The following TLR1 variants were observed in gnomAD, a reference collection of about 807,000 sequenced individuals.
TLR1 encodes toll-like receptor 1.
A neutral mutation model predicts 20.2 loss-of-function variants in TLR1; 19 were observed. That is an observed-to-expected ratio of 0.94 (90% confidence interval 0.66 to 1.38). The LOEUF is 1.38. Among genes scored for constraint, TLR1 ranks in the 40% most tolerant of loss-of-function variants. The pLI is 0.00. For missense variants in TLR1, 921 were observed against 910.0 expected (o/e 1.01, Z -0.16); for synonymous variants, 320 against 334.5 (o/e 0.96, Z 0.47).
At chr4:38,792,420 T>C (rs73236618), downstream of TLR1, among the ~76,000 whole-genome samples, 21,303 of 152,148 alleles carry the variant, frequency 0.14, 1,995 homozygotes, top group Middle Eastern at 0.31. Flanking sequence ...TTTAACCTAG[T>C]TGAAATCATA....
chr4:38,797,741 AC>A lies in TLR1; in HGVS notation c.1090del (p.Val364PhefsTer18). 6.2e-7 allele frequency: 1 copy of A among 1,614,034 alleles called. No individual in the cohort carries two copies. The highest frequency in any genetic ancestry group is 8.5e-7 in the Non-Finnish European group (1 of 1,179,972). On this transcript the variant is annotated frameshift_variant, in exon 4 of 4. Transcript: ENST00000308979. LOFTEE classifies it high-confidence loss of function. Reference protein sequence around the residue: ...DFSNNLLTDTVFENCGHLTEL... With the variant: ...DFSNNLLTDTXFENCGHLTEL... ...AGTAAGGTGCCCACAATTTTCAAAA[AC>A]CGTGTCTGTTAAGAGATTATTGGAA... is the stretch of plus-strand genomic sequence containing the variant.
Position 38,798,262 on chromosome 4 carries a change from C to T in TLR1, c.570G>A (p.Glu190=). 2 of 1,612,656 alleles carry T rather than the reference C, an allele frequency of 1.2e-6. No individual in the cohort carries two copies. Among genetic ancestry groups the T allele is most frequent in the East Asian group, 2.2e-5 (1 of 44,850 alleles). Residue 190 remains glutamate (E), a synonymous_variant, in exon 4 of 4, where the codon GAG becomes GAA. Coordinates refer to ENST00000308979, the MANE Select transcript of TLR1 (RefSeq NM_003263.4). The part of the protein sequence containing the change: ...DPEGLQDFNT[E]SLHIVFPTNK... ...TTGTGGGGAACACAATGTGCAGACT[C>T]TCAGTGTTAAAGTCTTGAAGGCCCT...
In TLR1 at chr4:38,797,543, A is replaced by C; in HGVS notation, c.1289T>G (p.Met430Arg). ...SWTKSLLSLN[M>R]SSNILTDTIF... The stretch of plus-strand genomic sequence containing the variant: ...AGTGTCAGTAAGTATATTTGAAGAC[A>C]TATTTAAACTTAATAAACTTTTAGT... Residue 430 changes from methionine to arginine, a missense_variant, in exon 4 of 4, where the codon ATG (methionine) becomes AGG (arginine). Physicochemically the swap from Met to Arg is moderately conservative, Grantham distance 91. Coordinates refer to ENST00000308979, the MANE Select transcript of TLR1 (RefSeq NM_003263.4). 6.2e-7 allele frequency: 1 copy of C among 1,613,776 alleles called. No homozygotes were observed. Among genetic ancestry groups the C allele is most frequent in the Non-Finnish European group, 8.5e-7 (1 of 1,179,948 alleles).
downstream of TLR1, among the ~76,000 whole-genome samples, chr4:38,787,933 AC>A (rs1265913928): frequency 6.6e-6 from 1 of 152,054 alleles, no homozygotes; most frequent in African/African-American, 2.4e-5. Context: ...CCCATGTGCT[AC>A]CCCTGACTCC....
Position 38,797,905 on chromosome 4 carries a change from G to C in TLR1, c.927C>G (p.Ser309Arg), listed in dbSNP as rs747282142. ...LKALSIHQVV[S>R]DVFGFPQSYI... ...AACTTTGCGGAAAACCGAACACATCGCTGACAACTTGGTGTATAGACAAGG... is the reference window on the plus strand; with the variant it reads ...AACTTTGCGGAAAACCGAACACATCCCTGACAACTTGGTGTATAGACAAGG... The change falls in exon 4 of 4, where the codon AGC (serine) becomes AGG (arginine). Residue 309 changes from serine (S) to arginine (R), a missense_variant. By Grantham distance (110) the Ser-to-Arg change is moderately radical. Coordinates refer to ENST00000308979, the MANE Select transcript of TLR1 (RefSeq NM_003263.4). 1 of 1,613,988 alleles carries C rather than the reference G, an allele frequency of 6.2e-7. No homozygotes were observed. Among genetic ancestry groups the C allele is most frequent in the Admixed American group, 1.7e-5 (1 of 60,006 alleles).
chr4:38,797,528 A>G lies in TLR1; in HGVS notation c.1304T>C (p.Leu435Pro). The change falls in exon 4 of 4, where the codon CTT becomes CCT. Residue 435 changes from leucine to proline, a missense_variant. Physicochemically the swap from Leu to Pro is moderately conservative, Grantham distance 98. Coordinates refer to ENST00000308979, the MANE Select transcript of TLR1 (RefSeq NM_003263.4). The stretch of plus-strand genomic sequence containing the variant: ...TAAACATCTGAAAATAGTGTCAGTA[A>G]GTATATTTGAAGACATATTTAAACT... ...LLSLNMSSNI[L>P]TDTIFRCLPP... is the part of the protein sequence containing the mutation. The G allele has an allele frequency of 6.2e-7, 1 of 1,614,110 alleles. No homozygotes were observed. The highest frequency in any genetic ancestry group is 8.5e-7 in the Non-Finnish European group (1 of 1,180,022).
intron 2 of TLR1, among the ~76,000 whole-genome samples, chr4:38,801,747 T>C (rs1318225800): frequency 6.6e-6 from 1 of 152,200 alleles, no homozygotes; most frequent in African/African-American, 2.4e-5. Flanking sequence ...CTTTTTCCCT[T>C]AACAACAGCT....
In TLR1 at chr4:38,798,577, A is replaced by G. The variant is rs1331369182; in HGVS notation, c.255T>C (p.Asp85=). The change falls in exon 4 of 4, where the codon GAT becomes GAC. Residue 85 remains aspartate (D), a synonymous_variant. Transcript: ENST00000308979. ...CCTGGTTGAATTTGAAAACACTGAT[A>G]TCAAGATACTGGATTCTATTATGAG... ...IISHNRIQYL[D]ISVFKFNQEL... 1 of 1,614,060 alleles carries G rather than the reference A, an allele frequency of 6.2e-7. No individual in the cohort carries two copies. The highest frequency in any genetic ancestry group is 1.3e-5 in the African/African-American group (1 of 74,926).
chr4:38,789,769 G>T (rs554932621), downstream of TLR1, among the ~76,000 whole-genome samples: 212 of 152,092 alleles, frequency 1.4e-3, no homozygotes, highest in African/African-American at 4.2e-3. Flanking sequence ...GGCCTCAATG[G>T]TTTACTTTTT....
At chr4:38,799,002 A>C (rs190651327) in intron 3 of TLR1, 104 bp from the exon 4 acceptor site, 6 of 559,186 alleles carry the variant, frequency 1.1e-5, no homozygotes, top group Non-Finnish European at 1.9e-5. Context: ...CAGACTTATA[A>C]AGTGGAGGCT....
In TLR1 at chr4:38,796,364, C is replaced by G; in HGVS notation, c.*107G>C. 1.6e-6 allele frequency: 2 copies of G among 1,251,552 alleles called. No individual in the cohort carries two copies. Among genetic ancestry groups the G allele is most frequent in the Non-Finnish European group, 2.2e-6 (2 of 904,046 alleles). 77.5% of individuals were successfully genotyped at this position (1,251,552 alleles called of 1,614,324 possible). On this transcript the variant is annotated 3_prime_UTR_variant, in exon 4 of 4. Coordinates refer to ENST00000308979, the MANE Select transcript of TLR1 (RefSeq NM_003263.4). ...GGTATATATTTTTACCTACATCATA[C>G]ACTCACAATTGTGTTTACATCTATG...
At chr4:38,804,895 A>C (rs990971811), upstream of TLR1, 2 of 152,176 alleles carry the variant, frequency 1.3e-5, no homozygotes, top group African/African-American at 4.8e-5. Flanking sequence ...ACCGAATTCC[A>C]CTGGAATTAC....
chr4:38,789,714 C>T (rs181531880), downstream of TLR1, among the ~76,000 whole-genome samples: 72 of 152,202 alleles, frequency 4.7e-4, no homozygotes, highest in Admixed American at 1.7e-3. Flanking sequence ...CCACCTGCCT[C>T]GGCCTCCCAA....
At position 38,797,843 on chromosome 4, in the gene TLR1, T is replaced by C; in HGVS notation, c.989A>G (p.Asn330Ser). The change falls in exon 4 of 4, where the codon AAT becomes AGT. Residue 330 changes from asparagine to serine, a missense_variant. Physicochemically the swap from Asn to Ser is conservative, Grantham distance 46 (BLOSUM62 1). Coordinates refer to ENST00000308979, the MANE Select transcript of TLR1 (RefSeq NM_003263.4). ...CATGCGTGTACCAGACACTGTGAAA[T>C]TTTTGATGTTCATATTCGAAAAGAT... ...YEIFSNMNIK[N>S]FTVSGTRMVH... The C allele has an allele frequency of 2.5e-6, 4 of 1,613,946 alleles. No homozygotes were observed. The South Asian group carries it at 4.4e-5, about 18-fold the overall frequency.
In TLR1 at chr4:38,796,843, A is replaced by G; in HGVS notation, c.1989T>C (p.Gly663=). The change falls in exon 4 of 4, where the codon GGT becomes GGC. Residue 663 remains glycine, a synonymous_variant. Coordinates refer to ENST00000308979, the MANE Select transcript of TLR1 (RefSeq NM_003263.4). ...TTCTCTCATGAAGGCAAATCTGCAT[A>G]CCTTCTTTCTCTAGGTTTGGCAATA... ...NELLPNLEKE[G]MQICLHERNF... The G allele has an allele frequency of 6.2e-7, 1 of 1,614,236 alleles. No individual in the cohort carries two copies. The highest frequency in any genetic ancestry group is 8.5e-7 in the Non-Finnish European group (1 of 1,180,048).
In TLR1 at chr4:38,796,379, T is replaced by C; in HGVS notation, c.*92A>G. The C allele has an allele frequency of 7.1e-7, 1 of 1,413,218 alleles. No individual in the cohort carries two copies. Among genetic ancestry groups the C allele is most frequent in the East Asian group, 2.3e-5 (1 of 43,152 alleles). The allele number at this position is 1,413,218 out of a possible 1,614,324, so 87.5% of individuals were successfully genotyped here. A position where few individuals can be genotyped will look rare whatever the true frequency, so the allele number is the denominator to read the frequency against. ...CTACATCATACACTCACAATTGTGTTTACATCTATGCTGATGCAAAATAAA... is the reference window on the plus strand; with the variant it reads ...CTACATCATACACTCACAATTGTGTCTACATCTATGCTGATGCAAAATAAA... On this transcript the variant is annotated 3_prime_UTR_variant, in exon 4 of 4. Coordinates refer to ENST00000308979, the MANE Select transcript of TLR1 (RefSeq NM_003263.4).
rs1424844701 is a variant in TLR1 at position 38,798,143 on chromosome 4, C to T, written c.689G>A (p.Cys230Tyr). ...CGCCAGAATACTTAGGAAGTAAGAA[C>T]ATTTGTTATCTTCTAGCACACATTT... ...NIKCVLEDNK[C>Y]SYFLSILAKL... Residue 230 changes from cysteine (C) to tyrosine (Y), a missense_variant, in exon 4 of 4, where the codon TGT becomes TAT. Coordinates refer to ENST00000308979, the MANE Select transcript of TLR1 (RefSeq NM_003263.4). The T allele has an allele frequency of 1.2e-6, 2 of 1,613,886 alleles. No homozygotes were observed. The highest frequency in any genetic ancestry group is 1.7e-5 in the Admixed American group (1 of 59,990).
intron 2 of TLR1, among the ~76,000 whole-genome samples, chr4:38,801,358 C>T (rs954594367): frequency 6.6e-6 from 1 of 152,198 alleles, no homozygotes; most frequent in African/African-American, 2.4e-5. Flanking sequence ...AACACTACCA[C>T]CCTGATCTTA....
rs762688918 is a variant in TLR1, at chr4:38,801,808, G to C, written c.-159-860C>G. 4.6e-5 allele frequency among the ~76,000 whole-genome samples: 7 copies of C among 152,186 alleles called. No individual in the cohort carries two copies. In the South Asian group the frequency reaches 1.2e-3, roughly 27 times the overall value. On this transcript the variant is annotated intron_variant, in intron 2 of 3. Transcript: ENST00000308979. ...TATAACTGCCTGCCCCCAAGTGTTAGAGTAGGTACTTAGGCAGACATGAGC... is the reference window on the plus strand; with the variant it reads ...TATAACTGCCTGCCCCCAAGTGTTACAGTAGGTACTTAGGCAGACATGAGC...
Sources: gnomAD v4.1 joint callset for allele counts (sites outside exome capture counted in the v4.1 genomes callset) on GRCh38, gnomAD v4.1.1 for gene constraint, MANE v1.5 for transcripts, NCBI Gene and HGNC (gene_info 2026-07-23, HGNC 2026-07-21) for gene names.